The following NKAIN2 variants were observed in gnomAD, a reference collection of about 807,000 sequenced individuals.
NKAIN2 encodes the protein sodium/potassium-transporting ATPase subunit beta-1-interacting protein 2.
Under a neutral mutation model 32.6 loss-of-function variants are expected in NKAIN2, and 14 were observed. That is an observed-to-expected ratio of 0.43 (90% CI 0.28 to 0.67). NKAIN2 has a LOEUF of 0.67. Among genes scored for constraint, NKAIN2 ranks in the 30% least tolerant of loss-of-function variants. NKAIN2 has a pLI of 0.17. For missense variants in NKAIN2, 198 were observed against 258.3 expected, an observed-to-expected ratio of 0.77 and a Z score of 1.60; for synonymous variants, 80 against 87.2, an observed-to-expected ratio of 0.92 and a Z score of 0.46.
At chr6:124,452,537 C>T (rs192902152) in intron 3 of NKAIN2, among the ~76,000 whole-genome samples, 2 of 152,064 alleles carry the variant, frequency 1.3e-5, no homozygotes, top group South Asian at 2.1e-4. Context: ...AAATATGTAA[C>T]CTTTTTACTG....
chr6:123,809,192 A>C (rs1939275344), intron 1 of NKAIN2, among the ~76,000 whole-genome samples: 1 of 152,206 alleles, frequency 6.6e-6, no homozygotes, highest in Non-Finnish European at 1.5e-5. Flanking sequence ...ACACACACAT[A>C]GGAAAAATAT....
At chr6:124,778,308 G>A (rs942650349) in intron 4 of NKAIN2, among the ~76,000 whole-genome samples, 13 of 151,074 alleles carry the variant, frequency 8.6e-5, no homozygotes, top group African/African-American at 2.2e-4. Context: ...TTTAAGGAAC[G>A]AAAACATGGT....
At chr6:123,919,779 A>C (rs992989225) in intron 1 of NKAIN2, among the ~76,000 whole-genome samples, 10 of 152,116 alleles carry the variant, frequency 6.6e-5, no homozygotes, top group Non-Finnish European at 1.3e-4. Flanking sequence ...TCATAACAGG[A>C]TGCTGTACCA....
At position 124,168,634 on chromosome 6, in the gene NKAIN2, A is replaced by C. The variant is rs149944992; in HGVS notation, c.55-114371A>C. Among the ~76,000 whole-genome samples the C allele has an allele frequency of 4.0e-3, 615 of 152,200 alleles. 5 individuals are homozygous for C. The highest frequency in any genetic ancestry group is 6.6e-3 in the Non-Finnish European group (450 of 67,960). On this transcript the variant is annotated intron_variant, in intron 1 of 6. Coordinates refer to ENST00000368417, the MANE Select transcript of NKAIN2 (RefSeq NM_001040214.3). Reference sequence around the variant, plus strand: ...ATTCTTTGAGTAATATGAATTTTAGAACCATTGCCTGTGTGTTGGCCAGTT... The same window carrying C: ...ATTCTTTGAGTAATATGAATTTTAGCACCATTGCCTGTGTGTTGGCCAGTT...
intron 3 of NKAIN2, among the ~76,000 whole-genome samples, chr6:124,630,586 G>T (rs1397705698): frequency 2.0e-5 from 3 of 152,084 alleles, no homozygotes; most frequent in African/African-American, 7.2e-5. Flanking sequence ...AAATAGAGCA[G>T]AGAAATTACA....
At chr6:124,424,088 G>A (rs1453497254) in intron 3 of NKAIN2, among the ~76,000 whole-genome samples, 1 of 151,986 alleles carries the variant, frequency 6.6e-6, no homozygotes, top group Non-Finnish European at 1.5e-5. Flanking sequence ...CTGCCTCCCG[G>A]GTTCACGCCG....
chr6:124,361,503 T>A (rs936812266), intron 3 of NKAIN2, among the ~76,000 whole-genome samples: 1 of 152,030 alleles, frequency 6.6e-6, no homozygotes. Flanking sequence ...TATTTAACCC[T>A]TTGGGACTAG....
chr6:123,962,149 A>G lies in NKAIN2; in HGVS notation c.54+157895A>G, dbSNP rs184849922. ...CATTTATTTCTCCAAATGAAAACCT[A>G]TAACAGTATTATACCAAACAAAAAC... On this transcript the variant is annotated intron_variant, in intron 1 of 6. Transcript: ENST00000368417. Among the ~76,000 whole-genome samples, 1,236 of 152,310 alleles carry G rather than the reference A, an allele frequency of 8.1e-3. 10 individuals carry two copies. The highest frequency in any genetic ancestry group is 0.01 in the Non-Finnish European group (693 of 68,028).
intron 1 of NKAIN2, among the ~76,000 whole-genome samples, chr6:123,946,649 A>G (rs1019311615): frequency 2.6e-5 from 4 of 152,220 alleles, no homozygotes; most frequent in Non-Finnish European, 5.9e-5. Flanking sequence ...TGCTACCTCT[A>G]CAGAACAAGA....
chr6:124,502,287 C>A (rs1315790275), intron 3 of NKAIN2, among the ~76,000 whole-genome samples: 1 of 152,044 alleles, frequency 6.6e-6, no homozygotes, highest in African/African-American at 2.4e-5. Flanking sequence ...ATTAAACATG[C>A]AATCATTCCA....
chr6:123,973,606 C>T (rs936258744), intron 1 of NKAIN2, among the ~76,000 whole-genome samples: 1 of 152,054 alleles, frequency 6.6e-6, no homozygotes, highest in Non-Finnish European at 1.5e-5. Context: ...TAGTTTCCTG[C>T]TATTCAAAAC....
intron 1 of NKAIN2, among the ~76,000 whole-genome samples, chr6:123,829,792 C>T (rs897139650): frequency 1.3e-5 from 2 of 152,150 alleles, no homozygotes; most frequent in Admixed American, 6.5e-5. Flanking sequence ...TTCAACGTAA[C>T]GAAAAGTCAG....
intron 4 of NKAIN2, among the ~76,000 whole-genome samples, chr6:124,707,972 T>C (rs1047629091): frequency 3.3e-5 from 5 of 149,938 alleles, no homozygotes; most frequent in African/African-American, 4.9e-5. Flanking sequence ...TTTATGGTTT[T>C]AGGTCTAACG....
intron 2 of NKAIN2, among the ~76,000 whole-genome samples, chr6:124,328,014 G>A (rs529097655): frequency 1.3e-5 from 2 of 152,150 alleles, no homozygotes; most frequent in East Asian, 1.9e-4. Flanking sequence ...GATTATCATC[G>A]CTTCCTTTAC....
intron 1 of NKAIN2, among the ~76,000 whole-genome samples, chr6:124,139,079 A>ATTTTTTTTTTTT (rs900247440): frequency 3.9e-4 from 39 of 99,488 alleles, no homozygotes; most frequent in African/African-American, 5.5e-4. Flanking sequence ...TTAAATAAAA[A>ATTTTTTTTTTTT]TTTTTTTTTT....
chr6:124,523,112 C>A, intron 3 of NKAIN2, among the ~76,000 whole-genome samples: 1 of 31,796 alleles, frequency 3.1e-5, no homozygotes, highest in African/African-American at 4.0e-5. Context: ...CACAGCACTC[C>A]CGCCTGGGCG....
intron 4 of NKAIN2, among the ~76,000 whole-genome samples, chr6:124,664,806 A>T (rs1772699486): frequency 7.0e-6 from 1 of 142,750 alleles, no homozygotes; most frequent in Non-Finnish European, 1.5e-5. Flanking sequence ...AAAAAAAAAA[A>T]AAAAAAAAAA....
chr6:124,437,012 T>G (rs1304044677), intron 3 of NKAIN2, among the ~76,000 whole-genome samples: 2 of 152,158 alleles, frequency 1.3e-5, no homozygotes, highest in Non-Finnish European at 2.9e-5. Context: ...TTTTCACTTT[T>G]GGTTTCTGTC....
At chr6:124,377,626 A>G (rs1052149920) in intron 3 of NKAIN2, among the ~76,000 whole-genome samples, 3 of 152,164 alleles carry the variant, frequency 2.0e-5, no homozygotes, top group African/African-American at 7.2e-5. Context: ...CAAGAGAAAG[A>G]GGAAGAGAAA....
Sources: gnomAD v4.1 joint callset for allele counts (sites outside exome capture counted in the v4.1 genomes callset) on GRCh38, gnomAD v4.1.1 for gene constraint, MANE v1.5 for transcripts, NCBI Gene and HGNC (gene_info 2026-07-23, HGNC 2026-07-21) for gene names.